Variants in NRXN1 observed in about 807,000 individuals in gnomAD.
NRXN1 encodes neurexin 1.
In NRXN1, 39 loss-of-function variants were observed where a neutral mutation model predicts 150.9. That is an observed-to-expected ratio of 0.26 (90% CI 0.20 to 0.34). The LOEUF (loss-of-function observed/expected upper bound fraction) is 0.34, where lower values mean the gene tolerates loss of function less well. Among genes scored for constraint, NRXN1 ranks in the 10% least tolerant of loss-of-function variants. NRXN1 has a pLI of 1.00. For missense variants in NRXN1, 1,815 were observed against 1,949.9 expected (o/e 0.93, Z 1.30); for synonymous variants, 924 against 757.0 (o/e 1.22, Z -3.62).
In NRXN1 at chr2:51,027,964, G is replaced by A. The variant is rs2105332031; in HGVS notation, c.310C>T (p.Leu104=). The A allele has an allele frequency of 2.5e-6, 4 of 1,602,364 alleles. No individual in the cohort carries two copies. The South Asian group carries it at 3.3e-5, about 13-fold the overall frequency. Residue 104 remains leucine (L), a synonymous_variant, in exon 2 of 23, where the codon CTG becomes TTG. Coordinates refer to ENST00000401669, the MANE Select transcript of NRXN1 (RefSeq NM_001330078.2). The stretch of plus-strand genomic sequence containing the variant: ...CCGTCGTTAACCGGCGTGTCGGCCA[G>A]GAGCGTCGCAGGCTCAGCGCAGAAG... The part of the protein sequence containing the change: ...SIFCAEPATL[L]ADTPVNDGAW...
At chr2:50,290,295 T>G (rs1354008079) in intron 17 of NRXN1, among the ~76,000 whole-genome samples, 2 of 152,182 alleles carry the variant, frequency 1.3e-5, no homozygotes, top group African/African-American at 4.8e-5. Context: ...TTGAAGAAGC[T>G]CTTTTTCACC....
chr2:50,369,945 A>T (rs1572708886), intron 17 of NRXN1, among the ~76,000 whole-genome samples: 1 of 152,146 alleles, frequency 6.6e-6, no homozygotes, highest in East Asian at 1.9e-4. Context: ...GGCCAAAAGG[A>T]AAATATAAAA....
chr2:50,706,090 C>T (rs1425742773), intron 5 of NRXN1, among the ~76,000 whole-genome samples: 1 of 152,148 alleles, frequency 6.6e-6, no homozygotes, highest in Non-Finnish European at 1.5e-5. Flanking sequence ...ATTCTGGTGT[C>T]TACTAGACAT....
At chr2:50,067,594 T>C (rs1470668762) in intron 19 of NRXN1, among the ~76,000 whole-genome samples, 1 of 152,170 alleles carries the variant, frequency 6.6e-6, no homozygotes, top group Admixed American at 6.5e-5. Context: ...AAATTAAAGG[T>C]CATACTCTGT....
At chr2:50,228,982 A>G (rs2064680612) in intron 18 of NRXN1, among the ~76,000 whole-genome samples, 2 of 152,008 alleles carry the variant, frequency 1.3e-5, no homozygotes, top group Admixed American at 1.3e-4. Context: ...ACCATCTCCT[A>G]AAGTAACTCC....
intron 5 of NRXN1, among the ~76,000 whole-genome samples, chr2:50,680,642 G>C (rs1413789254): frequency 6.6e-6 from 1 of 151,910 alleles, no homozygotes; most frequent in Non-Finnish European, 1.5e-5. Flanking sequence ...ATATTACACA[G>C]CCTTTGTGAG....
At chr2:50,704,375 G>T (rs1694157241) in intron 5 of NRXN1, among the ~76,000 whole-genome samples, 1 of 151,836 alleles carries the variant, frequency 6.6e-6, no homozygotes, top group African/African-American at 2.4e-5. Flanking sequence ...TAGGAAGTTT[G>T]CATTACCTAA....
rs189504946 is a variant in NRXN1 at position 50,839,420 on chromosome 2, A to G, written c.832+82449T>C. Reference sequence around the variant, plus strand: ...TTTAGTTAAATAGTCATTTTCTCATAATGTTTGAATTATTGTAACCTCCCC... The same window carrying G: ...TTTAGTTAAATAGTCATTTTCTCATGATGTTTGAATTATTGTAACCTCCCC... On this transcript the variant is annotated intron_variant, in intron 5 of 22. Transcript: ENST00000401669. Among the ~76,000 whole-genome samples, 261 of 152,290 alleles carry G rather than the reference A, an allele frequency of 1.7e-3. 1 individual carries two copies. Among genetic ancestry groups the G allele is most frequent in the Non-Finnish European group, 2.6e-3 (179 of 68,004 alleles).
chr2:50,730,326 T>G (rs1363463023), intron 5 of NRXN1, among the ~76,000 whole-genome samples: 2 of 152,172 alleles, frequency 1.3e-5, no homozygotes, highest in Admixed American at 1.3e-4. Flanking sequence ...TATTGTCAGA[T>G]TCAACCAAGA....
At chr2:50,439,995 T>C (rs1404818653) in intron 17 of NRXN1, among the ~76,000 whole-genome samples, 1 of 152,154 alleles carries the variant, frequency 6.6e-6, no homozygotes, top group Non-Finnish European at 1.5e-5. Flanking sequence ...AGCATGGATT[T>C]CAATCTCCAC....
intron 21 of NRXN1, among the ~76,000 whole-genome samples, chr2:50,001,633 T>C (rs775826437): frequency 1.3e-5 from 2 of 152,116 alleles, no homozygotes; most frequent in Non-Finnish European, 2.9e-5. Flanking sequence ...ATGAGAATAA[T>C]AACATTTAAT....
chr2:50,959,838 C>T (rs1365589878), intron 2 of NRXN1, among the ~76,000 whole-genome samples: 5 of 151,922 alleles, frequency 3.3e-5, no homozygotes, highest in Non-Finnish European at 5.9e-5. Flanking sequence ...CTAGAAATAA[C>T]ATTTCTTGAT....
intron 21 of NRXN1, among the ~76,000 whole-genome samples, chr2:49,959,962 G>A (rs554449634): frequency 1.3e-5 from 2 of 152,138 alleles, no homozygotes; most frequent in Non-Finnish European, 2.9e-5. Flanking sequence ...GAATGCAAAT[G>A]TATTTTTTTT....
At chr2:50,843,623 T>C (rs989925589) in intron 5 of NRXN1, among the ~76,000 whole-genome samples, 1 of 152,202 alleles carries the variant, frequency 6.6e-6, no homozygotes, top group African/African-American at 2.4e-5. Context: ...TAATTGCCAG[T>C]GAGAACTGAA....
intron 5 of NRXN1, among the ~76,000 whole-genome samples, chr2:50,867,489 G>A (rs1015086164): frequency 6.6e-6 from 1 of 151,922 alleles, no homozygotes; most frequent in Middle Eastern, 3.4e-3. Context: ...GCTCTCCAGG[G>A]TGCACATTTA....
intron 21 of NRXN1, among the ~76,000 whole-genome samples, chr2:49,997,845 G>C (rs1215196452): frequency 1.3e-5 from 2 of 152,056 alleles, no homozygotes; most frequent in African/African-American, 4.8e-5. Context: ...GAGGAAGCTG[G>C]GCCGCCGGGG....
Position 51,027,492 on chromosome 2 carries a change from C to T in NRXN1, c.772+10G>A, listed in dbSNP as rs1670703807. On this transcript the variant is annotated intron_variant, in intron 2 of 22. Transcript: ENST00000401669. ...GCCCCGGCCCCCGTGGGTCGGGCGT[C>T]GGGCCTTACCTTGGCTGCAGTCCTT... 1.3e-6 allele frequency: 2 copies of T among 1,508,238 alleles called. No homozygotes were observed. Among genetic ancestry groups the T allele is most frequent in the Non-Finnish European group, 1.8e-6 (2 of 1,130,374 alleles). 93.4% of individuals were successfully genotyped at this position (1,508,238 alleles called of 1,614,324 possible).
At chr2:50,243,677 T>A (rs1428048820) in intron 17 of NRXN1, among the ~76,000 whole-genome samples, 1 of 151,826 alleles carries the variant, frequency 6.6e-6, no homozygotes, top group Non-Finnish European at 1.5e-5. Context: ...ACCTCCAGTA[T>A]CCAGGAGGAC....
At chr2:50,374,760 C>T (rs368184422) in intron 17 of NRXN1, among the ~76,000 whole-genome samples, 1 of 152,118 alleles carries the variant, frequency 6.6e-6, no homozygotes, top group African/African-American at 2.4e-5. Context: ...GAATCCTACA[C>T]AATATTTTAA....
Sources: gnomAD v4.1 joint callset for allele counts (sites outside exome capture counted in the v4.1 genomes callset) on GRCh38, gnomAD v4.1.1 for gene constraint, MANE v1.5 for transcripts, NCBI Gene and HGNC (gene_info 2026-07-23, HGNC 2026-07-21) for gene names.